The following PTPN21 variants were observed in gnomAD, a reference collection of about 807,000 sequenced individuals.
PTPN21 encodes tyrosine-protein phosphatase non-receptor type 21.
PTPN21 carries 77 observed loss-of-function variants against 131.8 expected under a neutral mutation model. The ratio of observed to expected loss-of-function variants is 0.58; its 90% CI spans 0.49 to 0.71. The LOEUF is 0.71. Among genes scored for constraint, PTPN21 ranks in the 30% least tolerant of loss-of-function variants. The pLI is 0.00. For missense variants in PTPN21, 1,552 were observed against 1,527.1 expected (o/e 1.02, Z -0.27); for synonymous variants, 715 against 621.3 (o/e 1.15, Z -2.24).
chr14:88,485,220 GTTA>G lies in PTPN21; in HGVS notation c.994-63_994-61del, dbSNP rs1280634164. 2.5e-5 allele frequency: 26 copies of G among 1,055,108 alleles called. No individual in the cohort carries two copies. The East Asian group carries it at 6.5e-4, about 27-fold the overall frequency. 65.4% of individuals were successfully genotyped at this position (1,055,108 alleles called of 1,614,324 possible). ...ACATTGCTTATGTAATACAGGTAAA[GTTA>G]TTATCCACTGGATTCTTTCTGTTAA... On this transcript the variant is annotated intron_variant, in intron 11 of 18. Coordinates refer to ENST00000556564, the MANE Select transcript of PTPN21 (RefSeq NM_007039.4).
Position 88,469,940 on chromosome 14 carries a change from T to C in PTPN21, c.2982A>G (p.Ala994=). Residue 994 remains alanine (A), a synonymous_variant, in exon 16 of 19, where the codon GCA becomes GCG. Transcript: ENST00000556564. The surrounding 1 kb of genome is among the most constrained non-coding windows in gnomAD (Gnocchi z 4.3). ...TACCTACCTCTTCTGCTGTCACCAT[T>C]GCTATAATTGCAATTCCCTGTTCCC... The part of the protein sequence containing the change: ...MVWEQGIAII[A]MVTAEEEGGR... 6.2e-7 allele frequency: 1 copy of C among 1,614,104 alleles called. No individual in the cohort carries two copies. The highest frequency in any genetic ancestry group is 8.5e-7 in the Non-Finnish European group (1 of 1,180,016).
At chr14:88,543,120 C>T (rs1478428987) in intron 2 of PTPN21, among the ~76,000 whole-genome samples, 1 of 152,160 alleles carries the variant, frequency 6.6e-6, no homozygotes. Context: ...ATACCTAAGA[C>T]ACTAATTTAA....
intron 10 of PTPN21, 62 bp from the exon 11 acceptor site, chr14:88,485,904 C>A: frequency 1.0e-6 from 1 of 1,000,886 alleles, no homozygotes; most frequent in South Asian, 1.5e-5. Flanking sequence ...TCTACCAAAA[C>A]AAGATATAGG....
intron 2 of PTPN21, among the ~76,000 whole-genome samples, chr14:88,522,749 C>T (rs187928080): frequency 7.2e-5 from 11 of 152,116 alleles, no homozygotes; most frequent in Admixed American, 7.2e-4. Flanking sequence ...ATATGGGTAA[C>T]TAAATTATTG....
rs1458203578 is a variant in PTPN21 at position 88,479,688 on chromosome 14, C to T, written c.1743G>A (p.Leu581=). The part of the protein sequence containing the change: ...PPRPANSTPD[L]SRHLYISSSN... ...TGCTGCTGATGTAAAGGTGGCGGGACAGGTCTGGCGTGCTGTTGGCGGGCC... is the reference window on the plus strand; with the variant it reads ...TGCTGCTGATGTAAAGGTGGCGGGATAGGTCTGGCGTGCTGTTGGCGGGCC... Residue 581 remains leucine (L), a synonymous_variant, in exon 13 of 19, where the codon CTG becomes CTA. Transcript: ENST00000556564. 4.0e-6 allele frequency: 5 copies of T among 1,248,884 alleles called. No individual in the cohort carries two copies. Among genetic ancestry groups the T allele is most frequent in the Non-Finnish European group, 5.1e-6 (5 of 980,848 alleles). 77.4% of individuals were successfully genotyped at this position (1,248,884 alleles called of 1,614,324 possible).
chr14:88,469,075 T>A lies in PTPN21; in HGVS notation c.3237A>T (p.Ser1079=), dbSNP rs1595334574. ...GCPEDLKGFL[S]YLEEIQSVRR... ...GAACAGACTGGATCTCTTCAAGATA[T>A]GCTGTGGAAAATCAATGAAATAGAA... The change falls in exon 18 of 19, where the codon TCA becomes TCT. Residue 1079 remains serine (S), a splice_region_variant and synonymous_variant. Transcript: ENST00000556564. This position sits in a 1 kb window ranked among gnomAD's most constrained non-coding sequence, Gnocchi z 4.3. The A allele has an allele frequency of 1.2e-6, 2 of 1,605,774 alleles. No homozygotes were observed. The highest frequency in any genetic ancestry group is 1.7e-6 in the Non-Finnish European group (2 of 1,174,086).
At chr14:88,511,972 T>C (rs930611744) in intron 3 of PTPN21, among the ~76,000 whole-genome samples, 2 of 152,222 alleles carry the variant, frequency 1.3e-5, no homozygotes. Context: ...TTTTTCTTCA[T>C]CTGTTTTTCT....
At chr14:88,519,546 C>A (rs936531512) in intron 2 of PTPN21, among the ~76,000 whole-genome samples, 1 of 152,108 alleles carries the variant, frequency 6.6e-6, no homozygotes. Flanking sequence ...ATTTCTTTGA[C>A]CTGCAATCCT....
At chr14:88,490,207 C>T (rs1053448531) in intron 10 of PTPN21, among the ~76,000 whole-genome samples, 4 of 152,052 alleles carry the variant, frequency 2.6e-5, no homozygotes, top group African/African-American at 9.7e-5. Context: ...CGGGGTTTCA[C>T]CTTGTTGGCC....
At chr14:88,478,414 C>G (rs1000987443) in intron 13 of PTPN21, among the ~76,000 whole-genome samples, 4 of 152,164 alleles carry the variant, frequency 2.6e-5, no homozygotes, top group African/African-American at 9.7e-5. Flanking sequence ...TGGAGAATCA[C>G]GGCCAAGATA....
chr14:88,499,875 G>A (rs1003934769), intron 8 of PTPN21, among the ~76,000 whole-genome samples: 1 of 152,142 alleles, frequency 6.6e-6, no homozygotes, highest in South Asian at 2.1e-4. Flanking sequence ...CTATCTTTAA[G>A]ATACAAATTA....
chr14:88,523,463 G>A (rs1283212593), intron 2 of PTPN21, among the ~76,000 whole-genome samples: 1 of 152,176 alleles, frequency 6.6e-6, no homozygotes, highest in African/African-American at 2.4e-5. Context: ...ATGACAATGA[G>A]CATTTAGGAA....
intron 2 of PTPN21, among the ~76,000 whole-genome samples, chr14:88,545,516 A>C (rs2078763292): frequency 2.0e-5 from 3 of 152,170 alleles, no homozygotes; most frequent in African/African-American, 7.2e-5. Context: ...AAATTGGAGA[A>C]AATTTTCTAG....
In PTPN21 at chr14:88,531,943, T is replaced by C. The variant is rs2078560250; in HGVS notation, c.181-14682A>G. On this transcript the variant is annotated intron_variant, in intron 2 of 18. Coordinates refer to ENST00000556564, the MANE Select transcript of PTPN21 (RefSeq NM_007039.4). ...GATATTACAACCAATACCACAGAAA[T>C]ACAAAAGATCATTCAAGTCTACTAT... 2.0e-5 allele frequency among the ~76,000 whole-genome samples: 3 copies of C among 152,054 alleles called. No homozygotes were observed. The East Asian group carries it at 5.8e-4, about 29-fold the overall frequency.
chr14:88,495,788 C>A (rs369933247), intron 10 of PTPN21, among the ~76,000 whole-genome samples: 1 of 152,082 alleles, frequency 6.6e-6, no homozygotes, highest in Admixed American at 6.5e-5. Context: ...TACTGCGGAG[C>A]GGTCAAGTGA....
intron 13 of PTPN21, among the ~76,000 whole-genome samples, chr14:88,475,786 T>TA (rs2077540688): frequency 6.6e-6 from 1 of 152,198 alleles, no homozygotes. Flanking sequence ...CAATATGAAC[T>TA]AGCTCTGGCA....
intron 12 of PTPN21, among the ~76,000 whole-genome samples, chr14:88,484,488 G>A (rs1389811174): frequency 7.2e-6 from 1 of 139,014 alleles, no homozygotes; most frequent in African/African-American, 2.7e-5. Flanking sequence ...GGAAAGAAAA[G>A]TAACCCTGGG....
Position 88,469,424 on chromosome 14 carries a change from C to T in PTPN21, c.3235+75G>A, listed in dbSNP as rs1333764357. On this transcript the variant is annotated intron_variant, in intron 17 of 18. Transcript: ENST00000556564. The surrounding 1 kb of genome is among the most constrained non-coding windows in gnomAD (Gnocchi z 4.3). ...ATGAGATAACATAAAGGAAATATTT[C>T]GGAAACATAAATGTTCCTCTCTGTT... The T allele has an allele frequency of 3.9e-6, 5 of 1,269,926 alleles. No individual in the cohort carries two copies. The highest frequency in any genetic ancestry group is 1.3e-5 in the South Asian group (1 of 79,854). 78.7% of individuals were successfully genotyped at this position (1,269,926 alleles called of 1,614,324 possible).
chr14:88,521,216 T>A (rs982421582), intron 2 of PTPN21, among the ~76,000 whole-genome samples: 1 of 152,052 alleles, frequency 6.6e-6, no homozygotes, highest in Non-Finnish European at 1.5e-5. Context: ...AATTACTGAC[T>A]CCTCCCCTCA....
Sources: allele counts gnomAD v4.1 joint callset (sites outside exome capture counted in the v4.1 genomes callset), GRCh38; gene constraint gnomAD v4.1.1; non-coding constraint Gnocchi (gnomAD v3.1); transcripts MANE v1.5; gene names NCBI Gene and HGNC (gene_info 2026-07-23, HGNC 2026-07-21).